Variants in GALNT15 observed in about 807,000 individuals in gnomAD.
GALNT15 encodes the protein UDP-GalNAc transferase T15.
Under a neutral mutation model 66.8 loss-of-function variants are expected in GALNT15, and 67 were observed. That is an observed-to-expected ratio of 1.00 (90% CI 0.82 to 1.23). GALNT15 has a LOEUF of 1.23. Among genes scored for constraint, GALNT15 ranks in the 50% most tolerant of loss-of-function variants. The pLI is 0.00. For missense variants in GALNT15, 827 were observed against 804.3 expected, an observed-to-expected ratio of 1.03 and a Z score of -0.34; for synonymous variants, 313 against 311.5, an observed-to-expected ratio of 1.00 and a Z score of -0.05.
rs1199257623 is a variant in GALNT15 at position 16,193,016 on chromosome 3, G to C, written c.540-2744G>C. 1.3e-5 allele frequency among the ~76,000 whole-genome samples: 2 copies of C among 152,174 alleles called. No homozygotes were observed. The highest frequency in any genetic ancestry group is 4.8e-5 in the African/African-American group (2 of 41,440). ...CGGATTCCTGGTTTTGCTCATTGTG[G>C]ATGATTACGTGAGATATTTTCATGA... On this transcript the variant is annotated intron_variant, in intron 1 of 9. Transcript: ENST00000339732. This position sits in a 1 kb window ranked among gnomAD's most constrained non-coding sequence, Gnocchi z 4.7.
chr3:16,207,948 G>A (rs1042925298), intron 3 of GALNT15, among the ~76,000 whole-genome samples: 1 of 152,156 alleles, frequency 6.6e-6, no homozygotes, highest in Non-Finnish European at 1.5e-5. Flanking sequence ...AGGAAACTGA[G>A]GCCCAGAGAG....
rs988270693 is a variant in GALNT15 at position 16,186,128 on chromosome 3, T to G, written c.540-9632T>G. ...AACAACAAAACACTCCATTTTAAAA[T>G]GGGCAAAGGATTTGAATAGACATTT... On this transcript the variant is annotated intron_variant, in intron 1 of 9. Transcript: ENST00000339732. This position sits in a 1 kb window ranked among gnomAD's most constrained non-coding sequence, Gnocchi z 5.1. Among the ~76,000 whole-genome samples, 4 of 152,268 alleles carry G rather than the reference T, an allele frequency of 2.6e-5. No individual in the cohort carries two copies. Among genetic ancestry groups the G allele is most frequent in the African/African-American group, 9.6e-5 (4 of 41,538 alleles).
the GALNT15 span, among the ~76,000 whole-genome samples, chr3:16,247,948 G>A: frequency 6.6e-6 from 1 of 152,210 alleles, no homozygotes; most frequent in South Asian, 2.1e-4. Context: ...CAGGCTTCCA[G>A]CTCATCTGTG....
Position 16,219,277 on chromosome 3 carries a change from C to A in GALNT15, c.1393-126C>A. The A allele has an allele frequency of 8.4e-7, 1 of 1,196,056 alleles. No individual in the cohort carries two copies. The allele number at this position is 1,196,056 out of a possible 1,614,324, so 74.1% of individuals were successfully genotyped here. A position where few individuals can be genotyped will look rare whatever the true frequency, so the allele number is the denominator to read the frequency against. Reference sequence around the variant, plus strand: ...CCCTCCCCACTGCAGCCCTGGAGAACTGTGGTCTTGGCCCCTTCCTTCTGT... The same window carrying A: ...CCCTCCCCACTGCAGCCCTGGAGAAATGTGGTCTTGGCCCCTTCCTTCTGT... On this transcript the variant is annotated intron_variant, in intron 6 of 9. Coordinates refer to ENST00000339732, the MANE Select transcript of GALNT15 (RefSeq NM_054110.5). This position sits in a 1 kb window ranked among gnomAD's most constrained non-coding sequence, Gnocchi z 4.3.
chr3:16,227,558 C>G lies in GALNT15; in HGVS notation c.*58C>G, dbSNP rs1278924598. 2 of 1,613,292 alleles carry G rather than the reference C, an allele frequency of 1.2e-6. No individual in the cohort carries two copies. The highest frequency in any genetic ancestry group is 2.2e-5 in the South Asian group (2 of 90,980). On this transcript the variant is annotated 3_prime_UTR_variant, in exon 10 of 10. Coordinates refer to ENST00000339732, the MANE Select transcript of GALNT15 (RefSeq NM_054110.5). The surrounding 1 kb of genome is among the most constrained non-coding windows in gnomAD (Gnocchi z 4.5). Reference sequence around the variant, plus strand: ...CCATCAAAATCCAGCTCCAAGTGAACTTAAAGAGCTTATATATTTCATGAA... The same window carrying G: ...CCATCAAAATCCAGCTCCAAGTGAAGTTAAAGAGCTTATATATTTCATGAA...
At chr3:16,210,120 G>C (rs1049344946) in intron 4 of GALNT15, among the ~76,000 whole-genome samples, 1 of 152,118 alleles carries the variant, frequency 6.6e-6, no homozygotes, top group Non-Finnish European at 1.5e-5. Context: ...TCCAGTGAGC[G>C]TTTAAAATGT....
chr3:16,232,491 T>A (rs868509252), downstream of GALNT15, among the ~76,000 whole-genome samples: 3,173 of 82,344 alleles, frequency 0.039, 449 homozygotes, highest in Non-Finnish European at 0.053. Context: ...TATATATATA[T>A]ATATATATAT....
rs1047328850 is a variant in GALNT15 at position 16,184,748 on chromosome 3, A to C, written c.539+9058A>C. ...CAGGAAAGCGGAGCAGAGATGCCTG[A>C]GAGAGGCATGTGTTCAAGGCAGCTA... On this transcript the variant is annotated intron_variant, in intron 1 of 9. Coordinates refer to ENST00000339732, the MANE Select transcript of GALNT15 (RefSeq NM_054110.5). This position sits in a 1 kb window ranked among gnomAD's most constrained non-coding sequence, Gnocchi z 5.0. 2.6e-5 allele frequency among the ~76,000 whole-genome samples: 4 copies of C among 152,212 alleles called. No homozygotes were observed. The highest frequency in any genetic ancestry group is 2.6e-4 in the Admixed American group (4 of 15,290).
rs1007097151 is a variant in GALNT15 at position 16,211,417 on chromosome 3, C to T, written c.1197+176C>T. Reference sequence around the variant, plus strand: ...CATTTCTCACAGTTTCCCATCTCTCCTGTGCTGTAGCTTGGTTTCACTCTC... The same window carrying T: ...CATTTCTCACAGTTTCCCATCTCTCTTGTGCTGTAGCTTGGTTTCACTCTC... On this transcript the variant is annotated intron_variant, in intron 5 of 9. Transcript: ENST00000339732. This position sits in a 1 kb window ranked among gnomAD's most constrained non-coding sequence, Gnocchi z 4.3. Among the ~76,000 whole-genome samples the T allele has an allele frequency of 1.3e-5, 2 of 152,212 alleles. No homozygotes were observed. The highest frequency in any genetic ancestry group is 1.5e-5 in the Non-Finnish European group (1 of 68,036).
chr3:16,229,638 A>G lies in GALNT15; in HGVS notation c.*2138A>G. Reference sequence around the variant, plus strand: ...TGGTATTAGCGGCTGAAGAAAAAAAATTTTTCAAGACCTCTGTTTTTTAAC... The same window carrying G: ...TGGTATTAGCGGCTGAAGAAAAAAAGTTTTTCAAGACCTCTGTTTTTTAAC... On this transcript the variant is annotated 3_prime_UTR_variant, in exon 10 of 10. Coordinates refer to ENST00000339732, the MANE Select transcript of GALNT15 (RefSeq NM_054110.5). 1.0e-6 allele frequency: 1 copy of G among 985,324 alleles called. No individual in the cohort carries two copies. The highest frequency in any genetic ancestry group is 1.2e-6 in the Non-Finnish European group (1 of 829,896). The allele number at this position is 985,324 out of a possible 1,614,324, so 61.0% of individuals were successfully genotyped here. A position where few individuals can be genotyped will look rare whatever the true frequency, so the allele number is the denominator to read the frequency against.
Position 16,211,066 on chromosome 3 carries a change from C to T in GALNT15, c.1080-58C>T. The stretch of plus-strand genomic sequence containing the variant: ...CACCTGGGAAGCCCCAGCCCCCAGC[C>T]TCGCCTGCTGTGCTCTGGGTTCTGA... On this transcript the variant is annotated intron_variant, in intron 4 of 9. Transcript: ENST00000339732. This position sits in a 1 kb window ranked among gnomAD's most constrained non-coding sequence, Gnocchi z 4.3. The T allele has an allele frequency of 1.5e-6, 2 of 1,309,948 alleles. No individual in the cohort carries two copies. The highest frequency in any genetic ancestry group is 1.2e-5 in the South Asian group (1 of 84,112). The allele number at this position is 1,309,948 out of a possible 1,614,324, so 81.1% of individuals were successfully genotyped here.
At chr3:16,208,361 T>TA in intron 3 of GALNT15, 142 bp from the exon 4 acceptor site, 1 of 636,296 alleles carries the variant, frequency 1.6e-6, no homozygotes, top group Non-Finnish European at 2.6e-6. Flanking sequence ...ATTTTACACT[T>TA]ACTCCACACC....
chr3:16,195,733 A>G lies in GALNT15; in HGVS notation c.540-27A>G. The G allele has an allele frequency of 6.3e-7, 1 of 1,596,806 alleles. No individual in the cohort carries two copies. Among genetic ancestry groups the G allele is most frequent in the Non-Finnish European group, 8.6e-7 (1 of 1,167,922 alleles). On this transcript the variant is annotated intron_variant, in intron 1 of 9. Coordinates refer to ENST00000339732, the MANE Select transcript of GALNT15 (RefSeq NM_054110.5). The surrounding 1 kb of genome is among the most constrained non-coding windows in gnomAD (Gnocchi z 4.6). ...TGTTTCTTGTGGCCTTCTCTTCCCCATGGCTCTCTGGCTCTCTTCCCTGCA... is the reference window on the plus strand; with the variant it reads ...TGTTTCTTGTGGCCTTCTCTTCCCCGTGGCTCTCTGGCTCTCTTCCCTGCA...
Position 16,191,452 on chromosome 3 carries a change from C to T in GALNT15, c.540-4308C>T, listed in dbSNP as rs2063578293. On this transcript the variant is annotated intron_variant, in intron 1 of 9. Coordinates refer to ENST00000339732, the MANE Select transcript of GALNT15 (RefSeq NM_054110.5). This position sits in a 1 kb window ranked among gnomAD's most constrained non-coding sequence, Gnocchi z 5.2. Reference sequence around the variant, plus strand: ...AACAGCAAATCCCAAAAAGTGGGCCCTACGGCTACCTTTCTGAGGAAACCA... The same window carrying T: ...AACAGCAAATCCCAAAAAGTGGGCCTTACGGCTACCTTTCTGAGGAAACCA... 9.6e-6 allele frequency: 5 copies of T among 522,434 alleles called. 1 individual carries two copies. The South Asian group carries it at 4.1e-4, about 43-fold the overall frequency. 32.4% of individuals were successfully genotyped at this position (522,434 alleles called of 1,614,324 possible). A position where few individuals can be genotyped will look rare whatever the true frequency, so the allele number is the denominator to read the frequency against.
At chr3:16,179,514 C>G (rs944884304) in intron 1 of GALNT15, among the ~76,000 whole-genome samples, 1 of 152,112 alleles carries the variant, frequency 6.6e-6, no homozygotes, top group African/African-American at 2.4e-5. Context: ...CTGGAAGCCA[C>G]CAGGATGTCT....
At position 16,224,727 on chromosome 3, in the gene GALNT15, C is replaced by G. The variant is rs1296982405; in HGVS notation, c.1773+1969C>G. Among the ~76,000 whole-genome samples, 5 of 151,508 alleles carry G rather than the reference C, an allele frequency of 3.3e-5. No individual in the cohort carries two copies. The highest frequency in any genetic ancestry group is 7.4e-5 in the Non-Finnish European group (5 of 67,910). Reference sequence around the variant, plus strand: ...TCTCGGCTCACTGCAACCTCTGCCTCCCGGGTTCAAGCGATTCTCCTGCCT... The same window carrying G: ...TCTCGGCTCACTGCAACCTCTGCCTGCCGGGTTCAAGCGATTCTCCTGCCT... On this transcript the variant is annotated intron_variant, in intron 9 of 9. Coordinates refer to ENST00000339732, the MANE Select transcript of GALNT15 (RefSeq NM_054110.5). The surrounding 1 kb of genome is among the most constrained non-coding windows in gnomAD (Gnocchi z 5.2).
intron 3 of GALNT15, among the ~76,000 whole-genome samples, chr3:16,202,985 T>G (rs896492820): frequency 2.0e-5 from 3 of 152,222 alleles, no homozygotes; most frequent in Admixed American, 2.0e-4. Context: ...ACTTTATGTA[T>G]GTGTAACCCT....
At chr3:16,235,238 CTTA>C (rs895826055), downstream of GALNT15, among the ~76,000 whole-genome samples, 13 of 152,126 alleles carry the variant, frequency 8.5e-5, no homozygotes, top group African/African-American at 3.1e-4. Flanking sequence ...TTACCCCAAT[CTTA>C]TTATAACATT....
At chr3:16,244,160 T>A in the GALNT15 span, 1 of 263,836 alleles carries the variant, frequency 3.8e-6, no homozygotes, top group East Asian at 1.8e-4. Flanking sequence ...GGCAGAGACG[T>A]TTGAGTGGCT....
Sources: allele counts gnomAD v4.1 joint callset (sites outside exome capture counted in the v4.1 genomes callset), GRCh38; gene constraint gnomAD v4.1.1; non-coding constraint Gnocchi (gnomAD v3.1); transcripts MANE v1.5; gene names NCBI Gene and HGNC (gene_info 2026-07-23, HGNC 2026-07-21).